The following PIK3C2G variants were observed in gnomAD, a reference collection of about 807,000 sequenced individuals.
PIK3C2G encodes the protein phosphatidylinositol-4-phosphate 3-kinase catalytic subunit type 2 gamma.
PIK3C2G carries 168 observed loss-of-function variants against 181.1 expected under a neutral mutation model. The ratio of observed to expected loss-of-function variants is 0.93; its 90% CI spans 0.82 to 1.05. PIK3C2G has a LOEUF of 1.05. Among genes scored for constraint, PIK3C2G ranks in the 50% least tolerant of loss-of-function variants. The pLI is 0.00. For missense variants in PIK3C2G, 1,869 were observed against 1,732.8 expected (o/e 1.08, Z -1.40); for synonymous variants, 573 against 592.2 (o/e 0.97, Z 0.47).
the PIK3C2G span, among the ~76,000 whole-genome samples, chr12:18,654,199 A>T: frequency 5.5e-4 from 84 of 152,230 alleles, no homozygotes; most frequent in Non-Finnish European, 7.8e-4. Flanking sequence ...AAAGTTAAAA[A>T]GTCAATATAC....
intron 19 of PIK3C2G, among the ~76,000 whole-genome samples, chr12:18,490,029 A>G (rs1381132356): frequency 1.3e-5 from 2 of 152,206 alleles, no homozygotes; most frequent in African/African-American, 4.8e-5. Flanking sequence ...CTCACAATTT[A>G]AGAAATAATA....
At chr12:18,400,264 T>C (rs533735828) in intron 16 of PIK3C2G, among the ~76,000 whole-genome samples, 1 of 152,240 alleles carries the variant, frequency 6.6e-6, no homozygotes, top group Non-Finnish European at 1.5e-5. Flanking sequence ...ATGATGATGA[T>C]AGGAATAAAA....
At chr12:18,510,789 C>T (rs968446226) in intron 24 of PIK3C2G, among the ~76,000 whole-genome samples, 17 of 152,154 alleles carry the variant, frequency 1.1e-4, no homozygotes, top group African/African-American at 3.9e-4. Context: ...TACAATGTGA[C>T]GAAATCAAAC....
chr12:18,505,247 C>T (rs376373464), intron 23 of PIK3C2G, 45 bp from the exon 24 acceptor site: 41 of 1,488,112 alleles, frequency 2.8e-5, no homozygotes, highest in Non-Finnish European at 3.6e-5. Context: ...TGCATTTGCT[C>T]ATTTTTTGTT....
chr12:18,536,569 A>G (rs1943864865), intron 24 of PIK3C2G, among the ~76,000 whole-genome samples: 2 of 152,058 alleles, frequency 1.3e-5, no homozygotes, highest in African/African-American at 2.4e-5. Flanking sequence ...GCAGTTCACA[A>G]ATGTGCCACC....
intron 28 of PIK3C2G, among the ~76,000 whole-genome samples, 200 bp downstream of exon 28, chr12:18,563,698 T>A (rs1434274748): frequency 6.6e-6 from 1 of 152,180 alleles, no homozygotes; most frequent in African/African-American, 2.4e-5. Flanking sequence ...AGATTTGCAA[T>A]TTTCTTTTTA....
At chr12:18,471,285 G>A (rs994436926) in intron 18 of PIK3C2G, among the ~76,000 whole-genome samples, 12 of 152,120 alleles carry the variant, frequency 7.9e-5, no homozygotes, top group Non-Finnish European at 1.5e-4. Flanking sequence ...ATGGGCATTC[G>A]GGATTAGAGG....
At chr12:18,250,703 A>C (rs1170428433) in intron 1 of PIK3C2G, among the ~76,000 whole-genome samples, 1 of 152,080 alleles carries the variant, frequency 6.6e-6, no homozygotes, top group East Asian at 1.9e-4. Context: ...GCAAACTAGC[A>C]GTACAACAAT....
chr12:18,244,205 A>G (rs1478643928), upstream of PIK3C2G, among the ~76,000 whole-genome samples: 1 of 152,048 alleles, frequency 6.6e-6, no homozygotes, highest in East Asian at 1.9e-4. Context: ...CCCAAATTCT[A>G]TAATCTGTAA....
chr12:18,359,212 T>C (rs1259697736), intron 11 of PIK3C2G, among the ~76,000 whole-genome samples: 1 of 152,244 alleles, frequency 6.6e-6, no homozygotes, highest in African/African-American at 2.4e-5. Context: ...CCGGAGTGTG[T>C]TGTTTAATTT....
Position 18,423,965 on chromosome 12 carries a change from C to T in PIK3C2G, c.2430C>T (p.Asn810=), listed in dbSNP as rs61754414. The change falls in exon 18 of 33, where the codon AAC becomes AAT. Residue 810 remains asparagine (N), a synonymous_variant. Transcript: ENST00000538779. ...TTCAGGCTGTCAAGTTTGAATGGAACCTTGAGAGTCCTTTAGTGCAACTTC... is the reference window on the plus strand; with the variant it reads ...TTCAGGCTGTCAAGTTTGAATGGAATCTTGAGAGTCCTTTAGTGCAACTTC... The part of the protein sequence containing the change: ...QLVQAVKFEW[N]LESPLVQLLL... The T allele has an allele frequency of 1.9e-6, 3 of 1,609,538 alleles. No individual in the cohort carries two copies. The South Asian group carries it at 3.3e-5, about 18-fold the overall frequency.
intron 16 of PIK3C2G, 144 bp downstream of exon 16, chr12:18,399,991 G>A: frequency 2.2e-6 from 1 of 458,292 alleles, no homozygotes; most frequent in Non-Finnish European, 3.7e-6. Flanking sequence ...ATAAATGTAA[G>A]CTATGAATAT....
At chr12:18,494,571 A>G (rs999132909) in intron 20 of PIK3C2G, among the ~76,000 whole-genome samples, 2 of 152,176 alleles carry the variant, frequency 1.3e-5, no homozygotes, top group African/African-American at 4.8e-5. Flanking sequence ...GAAACAATAA[A>G]AGCAGAATGT....
the PIK3C2G span, among the ~76,000 whole-genome samples, chr12:18,703,280 G>A: frequency 6.6e-6 from 1 of 151,962 alleles, no homozygotes. Context: ...ATTTTTTTCT[G>A]TCTCAGTTCT....
chr12:18,685,151 T>C, the PIK3C2G span, among the ~76,000 whole-genome samples: 2 of 152,060 alleles, frequency 1.3e-5, no homozygotes, highest in Admixed American at 6.6e-5. Flanking sequence ...GTTGTTAGAC[T>C]GAAAGCTAGA....
chr12:18,400,017 C>A (rs1471703437), intron 16 of PIK3C2G, among the ~76,000 whole-genome samples, 170 bp downstream of exon 16: 2 of 152,116 alleles, frequency 1.3e-5, no homozygotes, highest in Non-Finnish European at 1.5e-5. Flanking sequence ...TTAAACAAAT[C>A]TAAGCTATAA....
downstream of PIK3C2G, among the ~76,000 whole-genome samples, chr12:18,651,004 C>G (rs1159598546): frequency 6.6e-6 from 1 of 151,836 alleles, no homozygotes; most frequent in Non-Finnish European, 1.5e-5. Context: ...GTTCAAAACT[C>G]TGCAGGGGCT....
At chr12:18,552,421 G>A (rs549584010) in intron 26 of PIK3C2G, among the ~76,000 whole-genome samples, 10 of 151,972 alleles carry the variant, frequency 6.6e-5, no homozygotes, top group South Asian at 4.2e-4. Context: ...TTACTGTGAT[G>A]CGAACTGTGG....
chr12:18,510,761 T>C (rs1398868274), intron 24 of PIK3C2G, among the ~76,000 whole-genome samples: 1 of 152,210 alleles, frequency 6.6e-6, no homozygotes, highest in Non-Finnish European at 1.5e-5. Flanking sequence ...CAGATCATAG[T>C]TGTTTGCATT....
Sources: gnomAD v4.1 joint callset for allele counts (sites outside exome capture counted in the v4.1 genomes callset) on GRCh38, gnomAD v4.1.1 for gene constraint, MANE v1.5 for transcripts, NCBI Gene and HGNC (gene_info 2026-07-23, HGNC 2026-07-21) for gene names.